NELL1: variants seen among roughly 807,000 people sequenced by gnomAD.
NELL1 encodes the protein neural EGFL like 1.
Under a neutral mutation model 107.4 loss-of-function variants are expected in NELL1, and 76 were observed. The observed-to-expected ratio is 0.71, with a 90% confidence interval of 0.59 to 0.86. The LOEUF (loss-of-function observed/expected upper bound fraction) is 0.86. NELL1 is among the 40% of genes least tolerant of loss of function. NELL1 has a pLI of 0.00. For synonymous variants in NELL1, 353 were observed against 341.2 expected, an observed-to-expected ratio of 1.03 and a Z score of -0.38; for missense variants, 1,024 against 1,005.5, an observed-to-expected ratio of 1.02 and a Z score of -0.25.
intron 16 of NELL1, among the ~76,000 whole-genome samples, chr11:21,535,541 A>G (rs1856114940): frequency 6.6e-6 from 1 of 152,152 alleles, no homozygotes; most frequent in Non-Finnish European, 1.5e-5. Context: ...CGTGGCATGA[A>G]TTATCCCCCA....
intron 7 of NELL1, 44 bp downstream of exon 7, chr11:20,919,378 G>A (rs1283630937): frequency 2.5e-6 from 3 of 1,220,790 alleles, no homozygotes; most frequent in Non-Finnish European, 1.2e-6. Flanking sequence ...TTCTTTTTCT[G>A]TCCTATCTGG....
intron 12 of NELL1, among the ~76,000 whole-genome samples, chr11:21,006,333 C>G (rs1346717767): frequency 6.6e-6 from 1 of 152,074 alleles, no homozygotes; most frequent in African/African-American, 2.4e-5. Flanking sequence ...CCATGCGATG[C>G]CTTCTGCCAC....
At chr11:20,868,087 A>G (rs1849128120) in intron 4 of NELL1, among the ~76,000 whole-genome samples, 1 of 152,298 alleles carries the variant, frequency 6.6e-6, no homozygotes, top group African/African-American at 2.4e-5. Flanking sequence ...GACCTTCAGA[A>G]CAATCCTGTG....
At chr11:21,071,042 T>G (rs1854001088) in intron 12 of NELL1, among the ~76,000 whole-genome samples, 1 of 152,198 alleles carries the variant, frequency 6.6e-6, no homozygotes, top group Non-Finnish European at 1.5e-5. Context: ...AGTCCAGGTT[T>G]GCCTCAGAAT....
intron 15 of NELL1, among the ~76,000 whole-genome samples, chr11:21,464,614 G>A (rs1853981216): frequency 6.6e-6 from 1 of 152,072 alleles, no homozygotes; most frequent in East Asian, 1.9e-4. Flanking sequence ...AAAATGTTGG[G>A]GACCACTGGA....
At chr11:21,241,162 T>C (rs141940613) in intron 14 of NELL1, among the ~76,000 whole-genome samples, 1 of 152,208 alleles carries the variant, frequency 6.6e-6, no homozygotes, top group East Asian at 1.9e-4. Context: ...TAGTAACAAT[T>C]CTCAATGGAC....
At chr11:21,477,096 C>T (rs1010493756) in intron 15 of NELL1, among the ~76,000 whole-genome samples, 6 of 152,110 alleles carry the variant, frequency 3.9e-5, no homozygotes, top group Non-Finnish European at 7.4e-5. Context: ...ACTAGTGGGA[C>T]ATGTGATGTA....
At chr11:21,547,125 G>GA (rs146378805) in intron 16 of NELL1, among the ~76,000 whole-genome samples, 5,237 of 151,890 alleles carry the variant, frequency 0.034, 306 homozygotes, top group African/African-American at 0.12. Context: ...AAGACTCTAA[G>GA]AAAAAAGCAA....
chr11:21,128,003 C>T (rs181985919), intron 13 of NELL1, among the ~76,000 whole-genome samples: 73 of 151,856 alleles, frequency 4.8e-4, no homozygotes, highest in African/African-American at 1.4e-3. Context: ...ATTGTTTTTC[C>T]TCAGTTTGGA....
Position 20,960,495 on chromosome 11 carries a change from C to G in NELL1, c.1235C>G (p.Thr412Arg). ...GENSECKNWN[T>R]KATCECKSGY... is the part of the protein sequence containing the mutation. ...AACTCAGAGTGCAAAAACTGGAATA[C>G]AAAAGCTACTTGTGAGTGCAAGAGT... The change falls in exon 12 of 20, where the codon ACA (threonine) becomes AGA (arginine). Residue 412 changes from threonine to arginine, a missense_variant. Transcript: ENST00000357134. 6.2e-7 allele frequency: 1 copy of G among 1,613,904 alleles called. No individual in the cohort carries two copies. The highest frequency in any genetic ancestry group is 1.1e-5 in the South Asian group (1 of 91,070).
At chr11:21,269,002 A>G (rs1468704078) in intron 14 of NELL1, among the ~76,000 whole-genome samples, 1 of 152,228 alleles carries the variant, frequency 6.6e-6, no homozygotes, top group East Asian at 1.9e-4. Flanking sequence ...AATCTGTAGC[A>G]GACATGAAAA....
intron 15 of NELL1, among the ~76,000 whole-genome samples, chr11:21,422,362 T>G (rs2133823539): frequency 6.6e-6 from 1 of 152,292 alleles, no homozygotes; most frequent in Non-Finnish European, 1.5e-5. Context: ...ACTCCATTTT[T>G]TAATTTTACA....
At chr11:21,568,827 G>A (rs1243418067) in intron 17 of NELL1, among the ~76,000 whole-genome samples, 2 of 150,360 alleles carry the variant, frequency 1.3e-5, no homozygotes, top group African/African-American at 2.4e-5. Flanking sequence ...CCTTCTTCTG[G>A]AATACCTCCT....
At position 21,481,548 on chromosome 11, in the gene NELL1, G is replaced by A. The variant is rs141721014; in HGVS notation, c.1646-52826G>A. Among the ~76,000 whole-genome samples the A allele has an allele frequency of 6.6e-4, 100 of 152,308 alleles. 1 individual carries two copies. The highest frequency in any genetic ancestry group is 6.8e-3 in the Middle Eastern group (2 of 294). On this transcript the variant is annotated intron_variant, in intron 15 of 19. Coordinates refer to ENST00000357134, the MANE Select transcript of NELL1 (RefSeq NM_006157.5). Reference sequence around the variant, plus strand: ...AAGACCTGCTAGATATTTCCTAAGAGCACAAGTAAATGAAACAGATTCCTA... The same window carrying A: ...AAGACCTGCTAGATATTTCCTAAGAACACAAGTAAATGAAACAGATTCCTA...
intron 12 of NELL1, among the ~76,000 whole-genome samples, chr11:21,099,550 T>G (rs1854752401): frequency 6.6e-6 from 1 of 152,060 alleles, no homozygotes; most frequent in South Asian, 2.1e-4. Flanking sequence ...CAGTAACCTG[T>G]CAAGAATGGC....
chr11:21,529,247 T>A (rs1485867134), intron 15 of NELL1, among the ~76,000 whole-genome samples: 2 of 152,090 alleles, frequency 1.3e-5, no homozygotes, highest in African/African-American at 2.4e-5. Context: ...GTAGAAATAT[T>A]CTGGAGGATC....
At chr11:21,066,683 C>G (rs189845066) in intron 12 of NELL1, among the ~76,000 whole-genome samples, 2 of 152,270 alleles carry the variant, frequency 1.3e-5, no homozygotes, top group Admixed American at 1.3e-4. Context: ...AGTGTGGTGG[C>G]TCATGACTGT....
chr11:21,165,741 A>G (rs1254505270), intron 13 of NELL1, among the ~76,000 whole-genome samples: 1 of 150,358 alleles, frequency 6.7e-6, no homozygotes, highest in African/African-American at 2.5e-5. Flanking sequence ...CTCTTTAGCC[A>G]TAAAAAACAA....
intron 2 of NELL1, among the ~76,000 whole-genome samples, chr11:20,705,523 A>T (rs1175678897): frequency 6.9e-6 from 1 of 145,566 alleles, no homozygotes; most frequent in Non-Finnish European, 1.5e-5. Context: ...TTTAAGATGG[A>T]TTAAAGACTT....
Sources: gnomAD v4.1 joint callset for allele counts (sites outside exome capture counted in the v4.1 genomes callset) on GRCh38, gnomAD v4.1.1 for gene constraint, MANE v1.5 for transcripts, NCBI Gene and HGNC (gene_info 2026-07-23, HGNC 2026-07-21) for gene names.